Variants in GPR137B observed in about 807,000 individuals in gnomAD.
GPR137B encodes the protein G protein-coupled receptor 137B, also known as integral membrane protein GPR137B.
A neutral mutation model predicts 42.5 loss-of-function variants in GPR137B; 42 were observed. The ratio of observed to expected loss-of-function variants is 0.99; its 90% confidence interval spans 0.77 to 1.28. GPR137B has a LOEUF of 1.28. Among genes scored for constraint, GPR137B ranks in the 50% most tolerant of loss-of-function variants. The probability of loss-of-function intolerance (pLI) is 0.00; values close to 1 mark genes in which losing one functional copy is unlikely to be tolerated. For synonymous variants in GPR137B, 218 were observed against 209.7 expected, an observed-to-expected ratio of 1.04 and a Z score of -0.34; for missense variants, 487 against 493.9, an observed-to-expected ratio of 0.99 and a Z score of 0.13.
chr1:236,199,619 T>C (rs989542913), intron 5 of GPR137B, among the ~76,000 whole-genome samples: 1 of 151,980 alleles, frequency 6.6e-6, no homozygotes, highest in Non-Finnish European at 1.5e-5. Flanking sequence ...CTAGGAGGGT[T>C]GTATATTTTG....
chr1:236,174,725 T>G (rs959698916), intron 2 of GPR137B, among the ~76,000 whole-genome samples: 8 of 152,162 alleles, frequency 5.3e-5, no homozygotes, highest in Non-Finnish European at 4.4e-5. Context: ...CATGCACTTG[T>G]AGTTCTAGCT....
chr1:236,153,444 A>G (rs1412357624), intron 1 of GPR137B, among the ~76,000 whole-genome samples: 1 of 152,236 alleles, frequency 6.6e-6, no homozygotes, highest in Non-Finnish European at 1.5e-5. Flanking sequence ...TGTAACATTT[A>G]TCAGAACTTC....
intron 1 of GPR137B, among the ~76,000 whole-genome samples, chr1:236,166,484 T>A (rs6687055): frequency 7.2e-6 from 1 of 139,582 alleles, no homozygotes; most frequent in East Asian, 2.1e-4. Flanking sequence ...TTATATATAT[T>A]TATATATACA....
chr1:236,168,875 C>G (rs1662441118), intron 2 of GPR137B, 120 bp downstream of exon 2: 1 of 778,006 alleles, frequency 1.3e-6, no homozygotes, highest in Non-Finnish European at 2.3e-6. Flanking sequence ...AACAGTCCTG[C>G]CTGCTGGCTG....
intron 1 of GPR137B, among the ~76,000 whole-genome samples, chr1:236,166,709 G>T (rs546306979): frequency 2.0e-5 from 3 of 151,998 alleles, no homozygotes; most frequent in African/African-American, 7.3e-5. Context: ...GAATGGCCGG[G>T]CACAGTGGCT....
intron 5 of GPR137B, among the ~76,000 whole-genome samples, chr1:236,201,164 C>A (rs2102925088): frequency 6.6e-6 from 1 of 152,142 alleles, no homozygotes; most frequent in African/African-American, 2.4e-5. Context: ...GGACCCCAAT[C>A]CCTTCTGGCT....
At chr1:236,147,881 G>C (rs74149570) in intron 1 of GPR137B, among the ~76,000 whole-genome samples, 3,182 of 152,278 alleles carry the variant, frequency 0.021, 122 homozygotes, top group African/African-American at 0.073. Flanking sequence ...TGGGAACATG[G>C]GGAGGCGGCT....
At position 236,183,923 on chromosome 1, in the gene GPR137B, A is replaced by G. The variant is rs1249184236; in HGVS notation, c.966+17A>G. 1.3e-6 allele frequency: 2 copies of G among 1,582,892 alleles called. No homozygotes were observed. The highest frequency in any genetic ancestry group is 2.7e-5 in the African/African-American group (2 of 73,870). On this transcript the variant is annotated intron_variant, in intron 5 of 6. Coordinates refer to ENST00000366592, the MANE Select transcript of GPR137B (RefSeq NM_003272.4). ...AAGGACCTTGTAAGTAAACCATTTT[A>G]CATTTGTAAGAAAATGTCTCCTAAT...
intron 1 of GPR137B, among the ~76,000 whole-genome samples, chr1:236,167,553 A>C (rs1662398076): frequency 6.6e-6 from 1 of 152,202 alleles, no homozygotes; most frequent in South Asian, 2.1e-4. Flanking sequence ...TGTTGGTCAA[A>C]GAGTCCAGAC....
chr1:236,201,662 C>T (rs967821324), intron 5 of GPR137B, among the ~76,000 whole-genome samples: 1 of 151,930 alleles, frequency 6.6e-6, no homozygotes, highest in Non-Finnish European at 1.5e-5. Flanking sequence ...TCATCCATAT[C>T]TGTATTTTAA....
rs1661551454 is a variant in GPR137B, at chr1:236,142,599, G to A, written c.-24G>A. On this transcript the variant is annotated 5_prime_UTR_variant, in exon 1 of 7. Transcript: ENST00000366592. ...GCGCGATGCGCGGAGACCCCCGCGG[G>A]GGCGGCGGCGGCCGTGAGCCCCGAT... The A allele has an allele frequency of 7.7e-7, 1 of 1,291,394 alleles. No individual in the cohort carries two copies. Among genetic ancestry groups the A allele is most frequent in the Non-Finnish European group, 9.8e-7 (1 of 1,024,194 alleles). 80.0% of individuals were successfully genotyped at this position (1,291,394 alleles called of 1,614,324 possible).
In GPR137B at chr1:236,205,161, T is replaced by A; in HGVS notation, c.1002T>A (p.Ser334Arg). Residue 334 changes from serine to arginine, a missense_variant, in exon 6 of 7, where the codon AGT (serine) becomes AGA (arginine). Physicochemically the swap from Ser to Arg is moderately radical, Grantham distance 110. Transcript: ENST00000366592. ...GAATGGTCCCCAGCCATGGATTCAGTCCCAGATCTTATTTCTTTGACAACC... is the reference window on the plus strand; with the variant it reads ...GAATGGTCCCCAGCCATGGATTCAGACCCAGATCTTATTTCTTTGACAACC... ...NPGMVPSHGFSPRSYFFDNPR... is the reference protein window; with the variant it reads ...NPGMVPSHGFRPRSYFFDNPR... 1.2e-6 allele frequency: 2 copies of A among 1,613,128 alleles called. No individual in the cohort carries two copies. Among genetic ancestry groups the A allele is most frequent in the South Asian group, 1.1e-5 (1 of 91,038 alleles).
chr1:236,207,199 C>A, intron 6 of GPR137B: 1 of 984,956 alleles, frequency 1.0e-6, no homozygotes, highest in Non-Finnish European at 1.2e-6. Flanking sequence ...GCAGAGAAAT[C>A]CTGGTCAGAT....
At position 236,142,733 on chromosome 1, in the gene GPR137B, GC is replaced by G. The variant is rs768730454; in HGVS notation, c.117del (p.Tyr40ThrfsTer2). The G allele has an allele frequency of 1.9e-6, 3 of 1,610,380 alleles. No individual in the cohort carries two copies. The highest frequency in any genetic ancestry group is 1.3e-5 in the African/African-American group (1 of 74,852). ...SLPPTLTPAV[P>X]PYVKLGLTVV... Reference sequence around the variant, plus strand: ...TGCCGCCCACGCTGACCCCGGCCGTGCCCCCCTACGTGAAGCTTGGCCTCAC... The same window carrying G: ...TGCCGCCCACGCTGACCCCGGCCGTGCCCCCTACGTGAAGCTTGGCCTCAC... On this transcript the variant is annotated frameshift_variant, in exon 1 of 7. Transcript: ENST00000366592. LOFTEE classifies it high-confidence loss of function.
chr1:236,187,183 G>T (rs1373300034), intron 5 of GPR137B, among the ~76,000 whole-genome samples: 1 of 152,106 alleles, frequency 6.6e-6, no homozygotes, highest in South Asian at 2.1e-4. Flanking sequence ...TTTTGATGGG[G>T]TTGTTTTTTT....
chr1:236,149,801 T>C (rs1029141336), intron 1 of GPR137B, among the ~76,000 whole-genome samples: 7 of 152,246 alleles, frequency 4.6e-5, no homozygotes, highest in African/African-American at 1.7e-4. Context: ...CGGAGCTAGC[T>C]CAGTGGGCTC....
chr1:236,207,940 A>C, intron 6 of GPR137B, 110 bp from the exon 7 acceptor site: 1 of 722,800 alleles, frequency 1.4e-6, no homozygotes, highest in South Asian at 1.9e-5. Flanking sequence ...AAAGAACTTT[A>C]GAGTTATCTA....
intron 1 of GPR137B, among the ~76,000 whole-genome samples, chr1:236,144,422 G>C (rs1322119057): frequency 6.6e-6 from 1 of 151,754 alleles, no homozygotes; most frequent in Non-Finnish European, 1.5e-5. Context: ...AAAAACAAAC[G>C]AACAAACAAA....
At chr1:236,180,656 C>T (rs1171738902) in intron 4 of GPR137B, among the ~76,000 whole-genome samples, 5 of 134,946 alleles carry the variant, frequency 3.7e-5, no homozygotes, top group South Asian at 2.3e-4. Context: ...TTTTTTGAGA[C>T]GGAGTTTCAC....
Sources: allele counts gnomAD v4.1 joint callset (sites outside exome capture counted in the v4.1 genomes callset), GRCh38; gene constraint gnomAD v4.1.1; transcripts MANE v1.5; gene names NCBI Gene and HGNC (gene_info 2026-07-23, HGNC 2026-07-21).